CIC: variants seen among roughly 807,000 people sequenced by gnomAD.
CIC encodes capicua transcriptional repressor.
A neutral mutation model predicts 115.7 loss-of-function variants in CIC; 18 were observed. That is an observed-to-expected ratio of 0.16 (90% confidence interval 0.11 to 0.23). The LOEUF (loss-of-function observed/expected upper bound fraction) is 0.23. CIC is among the 10% of genes least tolerant of loss of function. The probability of loss-of-function intolerance (pLI) is 1.00; values close to 1 mark genes in which losing one functional copy is unlikely to be tolerated. For missense variants in CIC, 2,000 were observed against 2,159.3 expected (o/e 0.93, Z 1.46); for synonymous variants, 1,076 against 923.0 (o/e 1.17, Z -3.01).
At position 42,270,847 on chromosome 19, in the gene CIC, G is replaced by A. The variant is rs2036758330; in HGVS notation, c.-10-927G>A. The stretch of plus-strand genomic sequence containing the variant: ...GACGTGTGCGTGCTTCTGTGCGTGT[G>A]TGTGTGTTTGTGCGCGTGCGTGTGC... On this transcript the variant is annotated intron_variant, in intron 1 of 20. Transcript: ENST00000681038. This position sits in a 1 kb window ranked among gnomAD's most constrained non-coding sequence, Gnocchi z 4.1. Among the ~76,000 whole-genome samples, 2 of 151,646 alleles carry A rather than the reference G, an allele frequency of 1.3e-5. No individual in the cohort carries two copies. Among genetic ancestry groups the A allele is most frequent in the African/African-American group, 4.8e-5 (2 of 41,390 alleles).
chr19:42,274,127 T>C lies in CIC; in HGVS notation c.2344T>C (p.Leu782=). ...PFSRSRQPSP[L]LLLPPPAGLT... ...CTCTCGCTCCCGCCAGCCCTCACCA[T>C]TGCTGCTGTTGCCACCCCCTGCCGG... The change falls in exon 2 of 21, where the codon TTG becomes CTG. Residue 782 remains leucine (L), a synonymous_variant. Coordinates refer to ENST00000681038, the MANE Select transcript of CIC (RefSeq NM_001386298.1). 1 of 400,286 alleles carries C rather than the reference T, an allele frequency of 2.5e-6. No homozygotes were observed. Among genetic ancestry groups the C allele is most frequent in the Non-Finnish European group, 4.4e-6 (1 of 227,130 alleles). 24.8% of individuals were successfully genotyped at this position (400,286 alleles called of 1,614,324 possible). A position where few individuals can be genotyped will look rare whatever the true frequency, so the allele number is the denominator to read the frequency against.
rs1282716324 is a variant in CIC at position 42,287,390 on chromosome 19, A to C, written c.3250A>C (p.Ser1084Arg). The C allele has an allele frequency of 6.2e-7, 1 of 1,614,108 alleles. No individual in the cohort carries two copies. Among genetic ancestry groups the C allele is most frequent in the Non-Finnish European group, 8.5e-7 (1 of 1,180,022 alleles). Residue 1084 changes from serine (S) to arginine (R), a missense_variant, in exon 5 of 21, where the codon AGT becomes CGT. Ser to Arg is a moderately radical substitution (Grantham distance 110, BLOSUM62 -1). Around this residue, in one of 8 missense-constraint regions of CIC, gnomAD observed 222 missense variants for 247.7 expected, o/e 0.90. Transcript: ENST00000681038. This position sits in a 1 kb window ranked among gnomAD's most constrained non-coding sequence, Gnocchi z 8.7. ...CGGAAAACGTCGGACCCAGTCCCTC[A>C]GTGCCCTACCCAAGGAACGGGACTC... is the stretch of plus-strand genomic sequence containing the variant. Reference protein sequence around the residue: ...PPGKRRTQSLSALPKERDSSS... With the variant: ...PPGKRRTQSLRALPKERDSSS...
intron 16 of CIC, 43 bp downstream of exon 16, chr19:42,293,324 G>T (rs2038286259): frequency 1.3e-6 from 2 of 1,529,322 alleles, no homozygotes; most frequent in Non-Finnish European, 1.8e-6. Context: ...CCACTTGGCT[G>T]TGCCTCTCCA....
Position 42,274,332 on chromosome 19 carries a change from C to G in CIC, c.2549C>G (p.Pro850Arg). The G allele has an allele frequency of 2.5e-6, 1 of 398,634 alleles. No homozygotes were observed. The highest frequency in any genetic ancestry group is 4.4e-5 in the Admixed American group (1 of 22,744). 24.7% of individuals were successfully genotyped at this position (398,634 alleles called of 1,614,324 possible). The change falls in exon 2 of 21, where the codon CCT (proline) becomes CGT (arginine). Residue 850 changes from proline (P) to arginine (R), a missense_variant. Physicochemically the swap from Pro to Arg is moderately radical, Grantham distance 103 (BLOSUM62 -2). This residue lies in a region of CIC where 222 missense variants were observed against 247.7 expected (regional missense o/e 0.90). Coordinates refer to ENST00000681038, the MANE Select transcript of CIC (RefSeq NM_001386298.1). ...GRGCRETPVP[P>R]GVASGKPGLP... ...GGCTGCCGTGAAACCCCAGTGCCCC[C>G]TGGGGTGGCCAGTGGGAAGCCTGGC...
At chr19:42,284,272 G>A (rs2037431852) in intron 2 of CIC, 1 of 146,870 alleles carries the variant, frequency 6.8e-6, no homozygotes, top group South Asian at 2.1e-4. Flanking sequence ...GAGGGAACGA[G>A]CGAGCCAGCG....
At position 42,291,232 on chromosome 19, in the gene CIC, A is replaced by G. The variant is rs530204342; in HGVS notation, c.5191A>G (p.Ile1731Val). The change falls in exon 11 of 21, where the codon ATC (isoleucine) becomes GTC (valine). Residue 1731 changes from isoleucine (I) to valine (V), a missense_variant. By Grantham distance (29) the Ile-to-Val change is conservative. This residue lies in a region of CIC where 1,466 missense variants were observed against 1,390.4 expected (regional missense o/e 1.05). Transcript: ENST00000681038. ...QPGALGKAGG[I>V]TQVQYILPTL... ...AGGTGCCCTGGGCAAGGCTGGGGGA[A>G]TCACCCAGGTACAGTACATCCTGCC... is the stretch of plus-strand genomic sequence containing the variant. 10 of 1,611,612 alleles carry G rather than the reference A, an allele frequency of 6.2e-6. No individual in the cohort carries two copies. Among genetic ancestry groups the G allele is most frequent in the South Asian group, 1.1e-5 (1 of 90,924 alleles).
Position 42,295,142 on chromosome 19 carries a change from A to T in CIC, c.7505A>T (p.Gln2502Leu). The T allele has an allele frequency of 1.8e-6, 1 of 558,798 alleles. No individual in the cohort carries two copies. Among genetic ancestry groups the T allele is most frequent in the Non-Finnish European group, 2.9e-6 (1 of 350,630 alleles). 34.6% of individuals were successfully genotyped at this position (558,798 alleles called of 1,614,324 possible). A position where few individuals can be genotyped will look rare whatever the true frequency, so the allele number is the denominator to read the frequency against. The change falls in exon 21 of 21, where the codon CAG becomes CTG. Residue 2502 changes from glutamine (Q) to leucine (L), a missense_variant. Transcript: ENST00000681038. ...PGQPGWEGAP[Q>L]PSPPPPGPST... ...CAGCCTGGCTGGGAGGGGGCTCCCC[A>T]GCCCTCCCCCCCACCCCCAGGTCCC...
chr19:42,286,420 GC>G (rs1433375465), intron 2 of CIC, among the ~76,000 whole-genome samples: 1 of 152,044 alleles, frequency 6.6e-6, no homozygotes, highest in Non-Finnish European at 1.5e-5. Flanking sequence ...GAGGTCTGGG[GC>G]CTTGGGAGTG....
intron 10 of CIC, 95 bp downstream of exon 10, chr19:42,290,046 G>A (rs1032402526): frequency 1.1e-5 from 16 of 1,398,012 alleles, no homozygotes; most frequent in African/African-American, 4.2e-5. Flanking sequence ...GGAGATTAAG[G>A]TCCAGAGAGG....
intron 2 of CIC, among the ~76,000 whole-genome samples, chr19:42,285,825 C>T (rs2037598712): frequency 1.3e-5 from 2 of 152,358 alleles, no homozygotes; most frequent in South Asian, 4.1e-4. Context: ...GCTTGCTCTT[C>T]CACCACCCAC....
At position 42,290,415 on chromosome 19, in the gene CIC, C is replaced by T. The variant is rs2037997648; in HGVS notation, c.4374C>T (p.Ser1458=). The T allele has an allele frequency of 1.9e-6, 3 of 1,613,894 alleles. No homozygotes were observed. Among genetic ancestry groups the T allele is most frequent in the South Asian group, 1.1e-5 (1 of 91,090 alleles). ...CCTCCTCAGCCTCGGCAGCCACCTC[C>T]TTCTCACTGGGCTCAGGAACCTTCA... The part of the protein sequence containing the change: ...PASSSASAAT[S]FSLGSGTFKA... The change falls in exon 11 of 21, where the codon TCC becomes TCT. Residue 1458 remains serine (S), a synonymous_variant. Coordinates refer to ENST00000681038, the MANE Select transcript of CIC (RefSeq NM_001386298.1).
At chr19:42,274,604 G>A (rs966299949) in intron 2 of CIC, 27 bp downstream of exon 2, 10 of 398,574 alleles carry the variant, frequency 2.5e-5, no homozygotes, top group African/African-American at 4.1e-5. Context: ...GATGGGCTGC[G>A]CCAGGCTCAC....
intron 2 of CIC, chr19:42,284,897 A>C (rs2037517137): frequency 1.1e-6 from 1 of 892,232 alleles, no homozygotes; most frequent in African/African-American, 1.7e-5. Context: ...TGACGGGGAA[A>C]GTTACGGAGC....
chr19:42,280,162 C>T lies in CIC; in HGVS notation c.2794+5585C>T, dbSNP rs1039433757. On this transcript the variant is annotated intron_variant, in intron 2 of 20. Transcript: ENST00000681038. The surrounding 1 kb of genome is among the most constrained non-coding windows in gnomAD (Gnocchi z 4.9). ...CTAGCCCGCCGCGCCGCCTCCTCCA[C>T]CCCCACCCTATCCCCTGTTCCCGCT... The T allele has an allele frequency of 2.6e-5, 4 of 151,974 alleles. No homozygotes were observed. Among genetic ancestry groups the T allele is most frequent in the Non-Finnish European group, 4.4e-5 (3 of 67,970 alleles). 9.4% of individuals were successfully genotyped at this position (151,974 alleles called of 1,614,324 possible).
In CIC at chr19:42,289,832, C is replaced by G. The variant is rs781496326; in HGVS notation, c.4088-16C>G. ...CATCTAGCCCCCTCCCCATACTGTT[C>G]CCTCCACTCCCTCAGCTGACGATGG... is the stretch of plus-strand genomic sequence containing the variant. On this transcript the variant is annotated splice_polypyrimidine_tract_variant and intron_variant, in intron 9 of 20. Coordinates refer to ENST00000681038, the MANE Select transcript of CIC (RefSeq NM_001386298.1). 1.3e-6 allele frequency: 2 copies of G among 1,573,168 alleles called. No individual in the cohort carries two copies. The highest frequency in any genetic ancestry group is 1.7e-6 in the Non-Finnish European group (2 of 1,157,076).
Position 42,289,384 on chromosome 19 carries a change from G to C in CIC, c.4065G>C (p.Glu1355Asp). The change falls in exon 9 of 21, where the codon GAG becomes GAC. Residue 1355 changes from glutamate (E) to aspartate (D), a missense_variant. By Grantham distance (45) the Glu-to-Asp change is conservative. Coordinates refer to ENST00000681038, the MANE Select transcript of CIC (RefSeq NM_001386298.1). ...AGGAGCGCATGGTCATCTGTGAGGA[G>C]GAAGGGGATGATGATGTCATTGGTG... ...SDEERMVICE[E>D]EGDDDVIADD... 1 of 1,597,516 alleles carries C rather than the reference G, an allele frequency of 6.3e-7. No homozygotes were observed. The highest frequency in any genetic ancestry group is 8.5e-7 in the Non-Finnish European group (1 of 1,171,842).
intron 2 of CIC, among the ~76,000 whole-genome samples, chr19:42,276,765 C>G (rs10408141): frequency 0.012 from 1,801 of 152,236 alleles, 48 homozygotes; most frequent in African/African-American, 0.042. Flanking sequence ...CTTCACCCCC[C>G]CATATGCCCA....
In CIC at chr19:42,290,273, C is replaced by T. The variant is rs771116358; in HGVS notation, c.4232C>T (p.Ser1411Phe). The change falls in exon 11 of 21, where the codon TCC (serine) becomes TTC (phenylalanine). Residue 1411 changes from serine to phenylalanine, a missense_variant. Ser to Phe is a radical substitution (Grantham distance 155). Around this residue, in one of 8 missense-constraint regions of CIC, gnomAD observed 1,466 missense variants for 1,390.4 expected, o/e 1.05. Coordinates refer to ENST00000681038, the MANE Select transcript of CIC (RefSeq NM_001386298.1). ...RKVFSPVIRS[S>F]FTHCRPPLDP... The stretch of plus-strand genomic sequence containing the variant: ...GTGTTTTCACCTGTGATCCGTTCCT[C>T]CTTTACCCACTGCCGCCCCCCACTG... 2 of 1,614,098 alleles carry T rather than the reference C, an allele frequency of 1.2e-6. No homozygotes were observed. Among genetic ancestry groups the T allele is most frequent in the African/African-American group, 1.3e-5 (1 of 75,024 alleles).
In CIC at chr19:42,287,637, G is replaced by A. The variant is rs1227169036; in HGVS notation, c.3402G>A (p.Gln1134=). 1 of 1,614,006 alleles carries A rather than the reference G, an allele frequency of 6.2e-7. No homozygotes were observed. The highest frequency in any genetic ancestry group is 1.3e-5 in the African/African-American group (1 of 75,060). Residue 1134 remains glutamine (Q), a synonymous_variant, in exon 6 of 21, where the codon CAG becomes CAA. Coordinates refer to ENST00000681038, the MANE Select transcript of CIC (RefSeq NM_001386298.1). This position sits in a 1 kb window ranked among gnomAD's most constrained non-coding sequence, Gnocchi z 8.7. ...RALVHQRHPN[Q]DNRTVSKILG... ...TGGTCCACCAGCGTCATCCCAACCA[G>A]GACAACCGGACCGTCAGCAAGATCC...
Sources: gnomAD v4.1 joint callset for allele counts (sites outside exome capture counted in the v4.1 genomes callset) on GRCh38, gnomAD v4.1.1 for gene constraint, gnomAD v4.1.1 regional missense constraint, Gnocchi (gnomAD v3.1) non-coding constraint, MANE v1.5 for transcripts, NCBI Gene and HGNC (gene_info 2026-07-23, HGNC 2026-07-21) for gene names.